Variants in ARMC8 observed in about 807,000 individuals in gnomAD.
ARMC8 encodes the protein armadillo repeat-containing protein 8.
A neutral mutation model predicts 99.3 loss-of-function variants in ARMC8; 20 were observed. The ratio of observed to expected loss-of-function variants is 0.20; its 90% CI spans 0.14 to 0.29. ARMC8 has a LOEUF of 0.29. Among genes scored for constraint, ARMC8 ranks in the 10% least tolerant of loss-of-function variants. The probability of loss-of-function intolerance (pLI) is 1.00; values close to 1 mark genes in which losing one functional copy is unlikely to be tolerated. For missense variants in ARMC8, 569 were observed against 809.5 expected, an observed-to-expected ratio of 0.70 and a Z score of 3.60; for synonymous variants, 263 against 278.3, an observed-to-expected ratio of 0.95 and a Z score of 0.55.
At chr3:138,273,503 G>A (rs2048977501) in intron 17 of ARMC8, among the ~76,000 whole-genome samples, 1 of 152,148 alleles carries the variant, frequency 6.6e-6, no homozygotes, top group Non-Finnish European at 1.5e-5. Context: ...AATTCTCAGA[G>A]CCATTCCATA....
intron 6 of ARMC8, 161 bp downstream of exon 6, chr3:138,229,171 T>TATATATATATAC (rs2045888737): frequency 4.5e-5 from 2 of 44,588 alleles, no homozygotes; most frequent in African/African-American, 1.3e-4. Context: ...TATATATATA[T>TATATATATATAC]ATATATATAT....
chr3:138,255,919 G>GC (rs1343862698), intron 12 of ARMC8, among the ~76,000 whole-genome samples: 1 of 152,206 alleles, frequency 6.6e-6, no homozygotes, highest in South Asian at 2.1e-4. Context: ...GGCGGAGGTT[G>GC]CAGTGAGCCT....
chr3:138,285,476 A>G (rs2050321093), intron 19 of ARMC8, among the ~76,000 whole-genome samples: 1 of 152,196 alleles, frequency 6.6e-6, no homozygotes, highest in Non-Finnish European at 1.5e-5. Context: ...CAAAAAGGCC[A>G]CGTTCTTTCC....
intron 16 of ARMC8, among the ~76,000 whole-genome samples, chr3:138,272,371 A>G (rs1186297832): frequency 2.0e-5 from 3 of 152,232 alleles, no homozygotes; most frequent in East Asian, 1.9e-4. Flanking sequence ...ATATTCTCAA[A>G]AGTGATAAAT....
intron 21 of ARMC8, among the ~76,000 whole-genome samples, chr3:138,295,551 T>G (rs1437620859): frequency 6.6e-6 from 1 of 152,172 alleles, no homozygotes; most frequent in Non-Finnish European, 1.5e-5. Flanking sequence ...TATATGCCAG[T>G]GACAAAAGAA....
In ARMC8 at chr3:138,217,270, T is replaced by C. The variant is rs187107450; in HGVS notation, c.123-4656T>C. Among the ~76,000 whole-genome samples, 664 of 152,334 alleles carry C rather than the reference T, an allele frequency of 4.4e-3. 2 individuals are homozygous for C. Among genetic ancestry groups the C allele is most frequent in the Non-Finnish European group, 5.5e-3 (373 of 68,020 alleles). ...TTTAGCTTGGGTCTCCAGTCTTCAA[T>C]ACTTTTAAAGATAATTTTGTTTTTA... On this transcript the variant is annotated intron_variant, in intron 2 of 21. Transcript: ENST00000469044.
intron 2 of ARMC8, among the ~76,000 whole-genome samples, chr3:138,219,276 A>G (rs2045260085): frequency 6.6e-6 from 1 of 150,430 alleles, no homozygotes; most frequent in Non-Finnish European, 1.5e-5. Context: ...GCATTTTACA[A>G]AAATAATGGA....
intron 14 of ARMC8, among the ~76,000 whole-genome samples, chr3:138,265,685 A>T (rs1213279404): frequency 6.6e-6 from 1 of 152,214 alleles, no homozygotes; most frequent in Admixed American, 6.5e-5. Flanking sequence ...TATGTATGGT[A>T]TGTGTAGGGA....
At chr3:138,251,009 G>C (rs1440797484) in intron 12 of ARMC8, among the ~76,000 whole-genome samples, 2 of 152,028 alleles carry the variant, frequency 1.3e-5, no homozygotes, top group Non-Finnish European at 2.9e-5. Flanking sequence ...AAATTATCCA[G>C]GCCCGGTGGC....
intron 5 of ARMC8, chr3:138,228,645 T>C: frequency 2.1e-6 from 1 of 475,216 alleles, no homozygotes; most frequent in Admixed American, 2.4e-5. Flanking sequence ...AATGATTTTA[T>C]CATGAGGATG....
At chr3:138,239,439 A>G (rs1312837244) in intron 9 of ARMC8, 29 bp from the exon 10 acceptor site, 8 of 1,555,478 alleles carry the variant, frequency 5.1e-6, no homozygotes, top group Non-Finnish European at 3.5e-6. Flanking sequence ...ACTCCAAGCA[A>G]AAACTTATTT....
intron 12 of ARMC8, among the ~76,000 whole-genome samples, chr3:138,259,493 A>G (rs567491084): frequency 6.6e-6 from 1 of 152,258 alleles, no homozygotes; most frequent in South Asian, 2.1e-4. Context: ...TTCTAATTTT[A>G]TATTGTTTTT....
At chr3:138,190,632 C>T (rs1411058736) in intron 1 of ARMC8, among the ~76,000 whole-genome samples, 4 of 152,264 alleles carry the variant, frequency 2.6e-5, no homozygotes, top group Non-Finnish European at 4.4e-5. Flanking sequence ...CTGTATAAAC[C>T]GGCTTTCTCA....
At chr3:138,234,726 A>G (rs1275278155) in intron 6 of ARMC8, among the ~76,000 whole-genome samples, 1 of 152,184 alleles carries the variant, frequency 6.6e-6, no homozygotes, top group Non-Finnish European at 1.5e-5. Flanking sequence ...TAATAATTGC[A>G]GAGGACTTGG....
intron 19 of ARMC8, 141 bp from the exon 20 acceptor site, chr3:138,288,907 G>T (rs982665397): frequency 4.8e-6 from 3 of 627,354 alleles, no homozygotes; most frequent in Admixed American, 5.4e-5. Context: ...AAAGTGCTGG[G>T]ATTACAGGCA....
chr3:138,270,275 G>A, intron 16 of ARMC8, 143 bp downstream of exon 16: 1 of 615,432 alleles, frequency 1.6e-6, no homozygotes, highest in Non-Finnish European at 2.8e-6. Flanking sequence ...CTAATGACTA[G>A]GACCTAGAAG....
chr3:138,295,353 A>G (rs1434130904), intron 21 of ARMC8, among the ~76,000 whole-genome samples: 2 of 152,242 alleles, frequency 1.3e-5, no homozygotes, highest in South Asian at 2.1e-4. Context: ...CATGTGAAGC[A>G]TAAGACAGCC....
chr3:138,187,713 G>A (rs2043141900), intron 1 of ARMC8, 114 bp downstream of exon 1: 1 of 1,186,102 alleles, frequency 8.4e-7, no homozygotes, highest in African/African-American at 1.5e-5. Context: ...GTGGACCCCG[G>A]CTCAGTCTCG....
intron 2 of ARMC8, among the ~76,000 whole-genome samples, chr3:138,210,448 T>A (rs372195658): frequency 1.1e-4 from 16 of 152,302 alleles, no homozygotes; most frequent in African/African-American, 3.6e-4. Flanking sequence ...ATTATGCTCT[T>A]AAAAAATTAA....
Sources: gnomAD v4.1 joint callset for allele counts (sites outside exome capture counted in the v4.1 genomes callset) on GRCh38, gnomAD v4.1.1 for gene constraint, MANE v1.5 for transcripts, NCBI Gene and HGNC (gene_info 2026-07-23, HGNC 2026-07-21) for gene names.